NCOA7: variants seen among roughly 807,000 people sequenced by gnomAD.
NCOA7 encodes nuclear receptor coactivator 7.
In NCOA7, 45 loss-of-function variants were observed where a neutral mutation model predicts 104.3. That is an observed-to-expected ratio of 0.43 (90% CI 0.34 to 0.55). The LOEUF is 0.55. Ranked by LOEUF, NCOA7 falls within the 20% of genes least tolerant of loss-of-function variation. The pLI, the probability that NCOA7 is intolerant of heterozygous loss-of-function variation, is 0.02. For missense variants in NCOA7, 1,041 were observed against 1,119.7 expected, an observed-to-expected ratio of 0.93 and a Z score of 1.00; for synonymous variants, 398 against 402.3, an observed-to-expected ratio of 0.99 and a Z score of 0.13.
upstream of NCOA7, among the ~76,000 whole-genome samples, chr6:125,789,057 T>TA (rs1363780374): frequency 6.6e-6 from 1 of 152,144 alleles, no homozygotes. Context: ...ATTCAAAACT[T>TA]AAAAATTTTG....
intron 2 of NCOA7, among the ~76,000 whole-genome samples, chr6:125,848,544 A>G (rs538171244): frequency 1.8e-4 from 27 of 152,256 alleles, no homozygotes; most frequent in Non-Finnish European, 3.4e-4. Context: ...GCAAACTATC[A>G]CAAGGACAGA....
intron 4 of NCOA7, among the ~76,000 whole-genome samples, chr6:125,877,884 A>C (rs1783507569): frequency 6.6e-6 from 1 of 152,190 alleles, no homozygotes; most frequent in Admixed American, 6.5e-5. Context: ...AAATAGACAG[A>C]AAATTATAAG....
chr6:125,798,069 G>C (rs183709876), intron 1 of NCOA7: 33 of 152,324 alleles, frequency 2.2e-4, no homozygotes, highest in Non-Finnish European at 4.1e-4. Flanking sequence ...GAGTGAGGTT[G>C]TGTTTAGCTC....
At chr6:125,784,019 A>G (rs1774348684) in intron 1 of NCOA7, among the ~76,000 whole-genome samples, 1 of 152,228 alleles carries the variant, frequency 6.6e-6, no homozygotes, top group Non-Finnish European at 1.5e-5. Flanking sequence ...ATAACCTTGG[A>G]ACAACATAAT....
chr6:125,811,433 TCA>T (rs926309024), intron 1 of NCOA7, among the ~76,000 whole-genome samples: 1 of 152,214 alleles, frequency 6.6e-6, no homozygotes, highest in African/African-American at 2.4e-5. Flanking sequence ...AATGCTGTTG[TCA>T]CACAGTATAT....
chr6:125,788,983 G>C (rs993782066), upstream of NCOA7, among the ~76,000 whole-genome samples: 1 of 152,148 alleles, frequency 6.6e-6, no homozygotes, highest in African/African-American at 2.4e-5. Flanking sequence ...GGGGCCTCTT[G>C]ATAGTAAAAG....
Position 125,854,922 on chromosome 6 carries a change from G to T in NCOA7, c.51-98G>T, listed in dbSNP as rs950207022. The T allele has an allele frequency of 2.4e-5, 18 of 746,542 alleles. No individual in the cohort carries two copies. In the Admixed American group the frequency reaches 5.0e-4, roughly 21 times the overall value. 46.2% of individuals were successfully genotyped at this position (746,542 alleles called of 1,614,324 possible). On this transcript the variant is annotated intron_variant, in intron 2 of 15. Transcript: ENST00000392477. ...TATAAGGAAAGTGTTTTCTGTATCA[G>T]TTCATTAGTTTTCAAAGTCCAGCAG...
At chr6:125,898,850 A>T (rs185553235) in intron 10 of NCOA7, among the ~76,000 whole-genome samples, 1 of 152,272 alleles carries the variant, frequency 6.6e-6, no homozygotes. Flanking sequence ...GTTATTTCTT[A>T]TAATTAAAAT....
intron 1 of NCOA7, among the ~76,000 whole-genome samples, chr6:125,809,561 C>T (rs187746481): frequency 1.1e-4 from 16 of 152,260 alleles, no homozygotes; most frequent in Admixed American, 1.0e-3. Context: ...AGGGAGTGTT[C>T]AAATTTCTGA....
At chr6:125,806,724 G>A (rs75229742) in intron 1 of NCOA7, among the ~76,000 whole-genome samples, 59 of 152,174 alleles carry the variant, frequency 3.9e-4, no homozygotes, top group African/African-American at 6.0e-4. Flanking sequence ...TGGGAATTTC[G>A]TATCTTCTTC....
In NCOA7 at chr6:125,922,784, G is replaced by T. The variant is rs758012563; in HGVS notation, c.2473G>T (p.Ala825Ser). The change falls in exon 13 of 16, where the codon GCA becomes TCA. Residue 825 changes from alanine to serine, a missense_variant. Around this residue, in one of 2 missense-constraint regions of NCOA7, gnomAD observed 127 missense variants for 177.0 expected, o/e 0.72. Transcript: ENST00000392477. ...TSLKTLYRKS[A>S]SLDSPVLLVI... ...CTTAAAGACGCTCTACCGGAAATCG[G>T]CATCACTAGACAGTCCTGTCCTATT... is the stretch of plus-strand genomic sequence containing the variant. 6.2e-7 allele frequency: 1 copy of T among 1,613,994 alleles called. No individual in the cohort carries two copies. The highest frequency in any genetic ancestry group is 1.1e-5 in the South Asian group (1 of 91,082).
At chr6:125,900,624 A>G (rs1228575342) in intron 10 of NCOA7, among the ~76,000 whole-genome samples, 1 of 152,244 alleles carries the variant, frequency 6.6e-6, no homozygotes, top group East Asian at 1.9e-4. Flanking sequence ...CCTCATTACC[A>G]CACAGTTAGT....
At chr6:125,853,350 CAG>C (rs1345668240) in intron 2 of NCOA7, among the ~76,000 whole-genome samples, 1 of 152,186 alleles carries the variant, frequency 6.6e-6, no homozygotes, top group African/African-American at 2.4e-5. Context: ...AATTGGCAAA[CAG>C]AGATAGTTTG....
chr6:125,848,663 G>T (rs1189695074), intron 2 of NCOA7, among the ~76,000 whole-genome samples: 5 of 152,014 alleles, frequency 3.3e-5, no homozygotes, highest in Non-Finnish European at 5.9e-5. Context: ...GGTGGTGGTT[G>T]GGGGATGGAT....
chr6:125,929,470 A>G lies in NCOA7; in HGVS notation c.*699A>G, dbSNP rs1215717988. The G allele has an allele frequency of 6.6e-6, 1 of 152,004 alleles. No homozygotes were observed. Among genetic ancestry groups the G allele is most frequent in the East Asian group, 1.9e-4 (1 of 5,190 alleles). 9.4% of individuals were successfully genotyped at this position (152,004 alleles called of 1,614,324 possible). A position where few individuals can be genotyped will look rare whatever the true frequency, so the allele number is the denominator to read the frequency against. On this transcript the variant is annotated 3_prime_UTR_variant, in exon 16 of 16. Coordinates refer to ENST00000392477, the MANE Select transcript of NCOA7 (RefSeq NM_181782.5). ...AAGCAGCATATATCTATATATCTGT[A>G]TGTGGGTATATAGAGATATATGTGT... is the stretch of plus-strand genomic sequence containing the variant.
chr6:125,853,536 A>T (rs796901588), intron 2 of NCOA7, among the ~76,000 whole-genome samples: 5 of 152,282 alleles, frequency 3.3e-5, no homozygotes, highest in African/African-American at 1.2e-4. Flanking sequence ...TATGCCATAT[A>T]CTAATTTGTT....
intron 1 of NCOA7, among the ~76,000 whole-genome samples, chr6:125,809,738 G>A (rs1230807674): frequency 1.3e-5 from 2 of 152,174 alleles, no homozygotes; most frequent in African/African-American, 4.8e-5. Flanking sequence ...ACCAAACACA[G>A]TGTGACCAAG....
chr6:125,886,389 T>C (rs1220412837), intron 8 of NCOA7, among the ~76,000 whole-genome samples: 1 of 152,158 alleles, frequency 6.6e-6, no homozygotes, highest in Non-Finnish European at 1.5e-5. Context: ...CCTACTGAAA[T>C]AGGGCTCCTA....
intron 1 of NCOA7, among the ~76,000 whole-genome samples, chr6:125,804,305 T>G (rs1583249216): frequency 1.3e-5 from 2 of 152,356 alleles, no homozygotes; most frequent in South Asian, 4.1e-4. Flanking sequence ...ACTTGGAGCC[T>G]AATGTCTTTA....
Sources: gnomAD v4.1 joint callset for allele counts (sites outside exome capture counted in the v4.1 genomes callset) on GRCh38, gnomAD v4.1.1 for gene constraint, gnomAD v4.1.1 regional missense constraint, MANE v1.5 for transcripts, NCBI Gene and HGNC (gene_info 2026-07-23, HGNC 2026-07-21) for gene names.